The following RRH variants were observed in gnomAD, a reference collection of about 807,000 sequenced individuals.
RRH encodes the protein visual pigment-like receptor peropsin.
A neutral mutation model predicts 33.1 loss-of-function variants in RRH; 36 were observed. The observed-to-expected ratio is 1.09, with a 90% CI of 0.83 to 1.44. The LOEUF (loss-of-function observed/expected upper bound fraction) is 1.44. RRH is among the 40% of genes most tolerant of loss of function. The probability of loss-of-function intolerance (pLI) is 0.00; values close to 1 mark genes in which losing one functional copy is unlikely to be tolerated. For missense variants in RRH, 393 were observed against 420.2 expected (o/e 0.94, Z 0.57); for synonymous variants, 124 against 140.2 (o/e 0.88, Z 0.82).
intron 5 of RRH, among the ~76,000 whole-genome samples, chr4:109,840,647 G>A (rs1015344665): frequency 6.6e-6 from 1 of 151,290 alleles, no homozygotes; most frequent in African/African-American, 2.4e-5. Flanking sequence ...TTGTTTTATG[G>A]ATGTATATCT....
intron 4 of RRH, among the ~76,000 whole-genome samples, chr4:109,837,037 T>C (rs1409346156): frequency 6.6e-6 from 1 of 151,946 alleles, no homozygotes; most frequent in Non-Finnish European, 1.5e-5. Flanking sequence ...CAGTGAGACG[T>C]GATTGCACCG....
At chr4:109,836,277 C>A in intron 4 of RRH, 117 bp downstream of exon 4, 3 of 1,051,304 alleles carry the variant, frequency 2.9e-6, no homozygotes, top group Non-Finnish European at 4.3e-6. Context: ...AAGCACTTCC[C>A]TGGTAGTGAT....
chr4:109,829,459 T>C (rs980124364), intron 1 of RRH, among the ~76,000 whole-genome samples: 1 of 151,976 alleles, frequency 6.6e-6, no homozygotes, highest in Non-Finnish European at 1.5e-5. Flanking sequence ...ACTATCCTTT[T>C]TTGACCTGGT....
intron 1 of RRH, among the ~76,000 whole-genome samples, chr4:109,829,584 A>T (rs1300263399): frequency 6.6e-6 from 1 of 152,160 alleles, no homozygotes; most frequent in Non-Finnish European, 1.5e-5. Context: ...CTTGCTATAT[A>T]CCAAGCACTG....
intron 6 of RRH, among the ~76,000 whole-genome samples, chr4:109,842,890 A>T (rs1369490873): frequency 6.6e-6 from 1 of 152,220 alleles, no homozygotes; most frequent in Non-Finnish European, 1.5e-5. Context: ...CCAGCTAAGC[A>T]TCCCCAAATG....
chr4:109,835,410 A>C lies in RRH; in HGVS notation c.342A>C (p.Gly114=). 6.2e-7 allele frequency: 1 copy of C among 1,614,108 alleles called. No homozygotes were observed. The highest frequency in any genetic ancestry group is 8.5e-7 in the Non-Finnish European group (1 of 1,180,004). ...TTTTTTTTGGAATGGCAAGCATTGG[A>C]TTACTCACGGTCGTGGCTGTGGACC... The part of the protein sequence containing the change: ...LNIFFGMASI[G]LLTVVAVDRY... Residue 114 remains glycine (G), a synonymous_variant, in exon 3 of 7, where the codon GGA becomes GGC. Coordinates refer to ENST00000317735, the MANE Select transcript of RRH (RefSeq NM_006583.5).
In RRH at chr4:109,844,409, C is replaced by T; in HGVS notation, c.*212C>T. On this transcript the variant is annotated 3_prime_UTR_variant, in exon 7 of 7. Coordinates refer to ENST00000317735, the MANE Select transcript of RRH (RefSeq NM_006583.5). The stretch of plus-strand genomic sequence containing the variant: ...TGATATATCAACTTATTGCTCATCT[C>T]CTTTGATGAATTAGGCATCAGAGGT... 1 of 458,704 alleles carries T rather than the reference C, an allele frequency of 2.2e-6. No homozygotes were observed. The highest frequency in any genetic ancestry group is 3.4e-5 in the Admixed American group (1 of 29,770). 28.4% of individuals were successfully genotyped at this position (458,704 alleles called of 1,614,324 possible).
chr4:109,837,669 A>T, intron 5 of RRH, 64 bp downstream of exon 5: 1 of 1,302,270 alleles, frequency 7.7e-7, no homozygotes, highest in Non-Finnish European at 1.1e-6. Context: ...TAGTTGAAAG[A>T]GTCCCTGGGA....
At chr4:109,835,964 A>C in intron 3 of RRH, 43 bp from the exon 4 acceptor site, 1 of 1,612,272 alleles carries the variant, frequency 6.2e-7, no homozygotes, top group Non-Finnish European at 8.5e-7. Context: ...AGTGAGTCCC[A>C]TTAATGGCAA....
At chr4:109,834,557 A>G (rs1185540671) in intron 2 of RRH, among the ~76,000 whole-genome samples, 2 of 145,398 alleles carry the variant, frequency 1.4e-5, no homozygotes, top group African/African-American at 2.5e-5. Flanking sequence ...GTTAGCCAGG[A>G]TGGTCTCGAT....
chr4:109,844,062 A>T (rs1734032543), intron 6 of RRH, 21 bp from the exon 7 acceptor site: 1 of 1,535,828 alleles, frequency 6.5e-7, no homozygotes, highest in Non-Finnish European at 9.0e-7. Flanking sequence ...TTAATGCCAG[A>T]TTTTCCTTTT....
At chr4:109,831,196 G>A (rs1246552110) in intron 1 of RRH, among the ~76,000 whole-genome samples, 3 of 152,122 alleles carry the variant, frequency 2.0e-5, no homozygotes, top group Non-Finnish European at 4.4e-5. Flanking sequence ...ACTTTAAAAA[G>A]TCATTGAATT....
rs778344073 is a variant in RRH, at chr4:109,844,105, A to G, written c.922A>G (p.Met308Val). The G allele has an allele frequency of 3.1e-6, 5 of 1,613,614 alleles. No homozygotes were observed. The highest frequency in any genetic ancestry group is 2.2e-5 in the East Asian group (1 of 44,864). ...TAGGTTTCGGAGGGCAATGCTTGCC[A>G]TGTTCAAATGTCAGACTCACCAAAC... is the stretch of plus-strand genomic sequence containing the variant. The part of the protein sequence containing the change: ...NKKFRRAMLA[M>V]FKCQTHQTMP... Residue 308 changes from methionine to valine, a missense_variant, in exon 7 of 7, where the codon ATG becomes GTG. Transcript: ENST00000317735.
At chr4:109,834,565 G>A (rs1733839615) in intron 2 of RRH, among the ~76,000 whole-genome samples, 2 of 147,174 alleles carry the variant, frequency 1.4e-5, no homozygotes, top group South Asian at 2.1e-4. Flanking sequence ...GGATGGTCTC[G>A]ATCTCCTGAC....
chr4:109,832,533 T>TGTGTGTGG (rs1286881723), intron 1 of RRH, among the ~76,000 whole-genome samples: 1 of 143,356 alleles, frequency 7.0e-6, no homozygotes, highest in African/African-American at 2.6e-5. Flanking sequence ...TGTGTGTGTG[T>TGTGTGTGG]TGGAATGAAG....
At chr4:109,831,992 A>G (rs1733765632) in intron 1 of RRH, among the ~76,000 whole-genome samples, 1 of 151,924 alleles carries the variant, frequency 6.6e-6, no homozygotes, top group African/African-American at 2.4e-5. Context: ...CTGATGTTGT[A>G]TGTTGGTGCT....
intron 5 of RRH, among the ~76,000 whole-genome samples, chr4:109,842,130 G>T (rs1187339025): frequency 6.6e-6 from 1 of 152,086 alleles, no homozygotes. Flanking sequence ...GAAGTGGGGT[G>T]GGGTGGGTTT....
chr4:109,837,541 A>G lies in RRH; in HGVS notation c.656A>G (p.His219Arg), dbSNP rs1560585121. 6.2e-7 allele frequency: 1 copy of G among 1,613,938 alleles called. No individual in the cohort carries two copies. Among genetic ancestry groups the G allele is most frequent in the East Asian group, 2.2e-5 (1 of 44,876 alleles). Residue 219 changes from histidine to arginine, a missense_variant, in exon 5 of 7, where the codon CAC becomes CGC. His to Arg is a conservative substitution (Grantham distance 29). Transcript: ENST00000317735. ...CATGTCACGCTATCCATTAAACATC[A>G]CACTACCAGTGACTGCACTGAGTCC... ...YYHVTLSIKHHTTSDCTESLN... is the reference protein window; with the variant it reads ...YYHVTLSIKHRTTSDCTESLN...
At chr4:109,828,489 T>A (rs528608860) in intron 1 of RRH, among the ~76,000 whole-genome samples, 3 of 152,274 alleles carry the variant, frequency 2.0e-5, no homozygotes, top group Non-Finnish European at 4.4e-5. Flanking sequence ...ATTGGATTGT[T>A]AAAGTTTTTA....
Sources: gnomAD v4.1 joint callset for allele counts (sites outside exome capture counted in the v4.1 genomes callset) on GRCh38, gnomAD v4.1.1 for gene constraint, MANE v1.5 for transcripts, NCBI Gene and HGNC (gene_info 2026-07-23, HGNC 2026-07-21) for gene names.